Variants in RGS8 observed in about 807,000 individuals in gnomAD.
RGS8 encodes regulator of G-protein signaling 8.
In RGS8, 8 loss-of-function variants were observed where a neutral mutation model predicts 21.7. The ratio of observed to expected loss-of-function variants is 0.37; its 90% CI spans 0.22 to 0.66. The LOEUF is 0.66. Ranked by LOEUF, RGS8 falls within the 30% of genes least tolerant of loss-of-function variation. RGS8 has a pLI of 0.59. For synonymous variants in RGS8, 80 were observed against 83.6 expected, an observed-to-expected ratio of 0.96 and a Z score of 0.24; for missense variants, 157 against 217.9, an observed-to-expected ratio of 0.72 and a Z score of 1.76.
chr1:182,697,748 T>C, the RGS8 span, among the ~76,000 whole-genome samples: 1 of 152,184 alleles, frequency 6.6e-6, no homozygotes, highest in Non-Finnish European at 1.5e-5. Flanking sequence ...GTATCTATAA[T>C]GTGGTAAGGT....
At chr1:182,739,649 G>A in the RGS8 span, among the ~76,000 whole-genome samples, 38 of 152,266 alleles carry the variant, frequency 2.5e-4, no homozygotes, top group South Asian at 8.3e-4. Context: ...AGCCTAGGGG[G>A]AATCGCCATG....
chr1:182,701,371 A>T, the RGS8 span, among the ~76,000 whole-genome samples: 14 of 152,198 alleles, frequency 9.2e-5, no homozygotes, highest in Non-Finnish European at 2.1e-4. Flanking sequence ...GATAATAGCA[A>T]TGGGAATTTC....
At position 182,681,761 on chromosome 1, in the gene RGS8, T is replaced by G. The variant is rs916169137; in HGVS notation, n.221+2595A>C. 2.0e-5 allele frequency among the ~76,000 whole-genome samples: 3 copies of G among 152,250 alleles called. No homozygotes were observed. The East Asian group carries it at 5.8e-4, about 29-fold the overall frequency. On this transcript the variant is annotated intron_variant and non_coding_transcript_variant, in intron 1 of 4. Transcript: ENST00000515211. ...GGAGGAGGGACGAGGGCTGTGTGGG[T>G]GCACTCCGATGCACGGAGATGCTGA...
chr1:182,666,562 A>G (rs528390975), intron 4 of RGS8, among the ~76,000 whole-genome samples: 19 of 152,282 alleles, frequency 1.2e-4, no homozygotes, highest in African/African-American at 4.6e-4. Context: ...AGTTATTTCC[A>G]AATTGAGAGC....
At chr1:182,741,476 C>A in the RGS8 span, among the ~76,000 whole-genome samples, 5 of 116,070 alleles carry the variant, frequency 4.3e-5, no homozygotes, top group East Asian at 2.9e-4. Context: ...CTTCCGGGAC[C>A]GGGCGGCTGG....
At chr1:182,727,418 T>G in the RGS8 span, among the ~76,000 whole-genome samples, 1 of 152,246 alleles carries the variant, frequency 6.6e-6, no homozygotes, top group Non-Finnish European at 1.5e-5. Flanking sequence ...AGACAATTTA[T>G]GATGAATTTT....
At chr1:182,735,299 G>A in the RGS8 span, among the ~76,000 whole-genome samples, 8 of 152,180 alleles carry the variant, frequency 5.3e-5, no homozygotes, top group East Asian at 1.2e-3. Context: ...TATAATCAAC[G>A]ATAACTAAGG....
intron 1 of RGS8, among the ~76,000 whole-genome samples, chr1:182,678,034 A>G (rs936722103): frequency 1.7e-4 from 26 of 152,264 alleles, no homozygotes; most frequent in African/African-American, 6.0e-4. Flanking sequence ...AATACAGTGC[A>G]ATTGAGAAAA....
At chr1:182,644,498 C>T (rs1485489565), downstream of RGS8, 3 of 152,208 alleles carry the variant, frequency 2.0e-5, no homozygotes, top group East Asian at 5.8e-4. Flanking sequence ...AGGAAGTCAC[C>T]AGGGCGCCAT....
At chr1:182,700,403 A>G in the RGS8 span, among the ~76,000 whole-genome samples, 1 of 152,160 alleles carries the variant, frequency 6.6e-6, no homozygotes, top group African/African-American at 2.4e-5. Flanking sequence ...ATATTTCAAT[A>G]AGCGCACCAA....
At chr1:182,741,159 A>T in the RGS8 span, among the ~76,000 whole-genome samples, 2 of 145,420 alleles carry the variant, frequency 1.4e-5, no homozygotes, top group South Asian at 2.2e-4. Context: ...CACCTCCCGG[A>T]CGGGGCGGCT....
At chr1:182,700,534 G>A in the RGS8 span, among the ~76,000 whole-genome samples, 1 of 152,182 alleles carries the variant, frequency 6.6e-6, no homozygotes, top group Non-Finnish European at 1.5e-5. Flanking sequence ...CCCAGGTTCA[G>A]CCTCGGGCTG....
chr1:182,738,779 A>T, the RGS8 span, among the ~76,000 whole-genome samples: 12 of 152,236 alleles, frequency 7.9e-5, no homozygotes, highest in African/African-American at 2.9e-4. Flanking sequence ...CTTGAAACCA[A>T]GTATGCATCT....
At chr1:182,647,247 T>C in intron 6 of RGS8, among the ~76,000 whole-genome samples, 1 of 152,242 alleles carries the variant, frequency 6.6e-6, no homozygotes, top group East Asian at 1.9e-4. Flanking sequence ...ACCTTCACCA[T>C]GGCAGGCAAA....
At chr1:182,752,232 G>A in the RGS8 span, among the ~76,000 whole-genome samples, 26 of 152,342 alleles carry the variant, frequency 1.7e-4, no homozygotes, top group African/African-American at 5.8e-4. Flanking sequence ...CCAGCTGACA[G>A]AACATTCCTG....
upstream of RGS8, among the ~76,000 whole-genome samples, chr1:182,675,108 A>C (rs1187440009): frequency 6.6e-6 from 1 of 152,032 alleles, no homozygotes; most frequent in Admixed American, 6.6e-5. Flanking sequence ...CCTGCATGCT[A>C]TACTGTCTCT....
At chr1:182,676,071 C>T (rs973571741), upstream of RGS8, among the ~76,000 whole-genome samples, 2 of 152,166 alleles carry the variant, frequency 1.3e-5, no homozygotes, top group East Asian at 1.9e-4. Context: ...ATGCTAATGA[C>T]ACTCAGGGTC....
chr1:182,686,713 C>T (rs570993761), upstream of RGS8, among the ~76,000 whole-genome samples: 1 of 152,262 alleles, frequency 6.6e-6, no homozygotes, highest in African/African-American at 2.4e-5. Context: ...GTTGGAAATA[C>T]AGCATTGGAT....
the RGS8 span, among the ~76,000 whole-genome samples, chr1:182,749,772 G>T: frequency 1.3e-5 from 2 of 152,146 alleles, no homozygotes; most frequent in Non-Finnish European, 2.9e-5. Context: ...AGAACATGCA[G>T]GTTTGTTACA....
Sources: allele counts gnomAD v4.1 joint callset (sites outside exome capture counted in the v4.1 genomes callset), GRCh38; gene constraint gnomAD v4.1.1; transcripts MANE v1.5; gene names NCBI Gene and HGNC (gene_info 2026-07-23, HGNC 2026-07-21).